The following IL23A variants were observed in gnomAD, a reference collection of about 807,000 sequenced individuals.
IL23A encodes interleukin-23 subunit alpha.
In IL23A, 16 loss-of-function variants were observed where a neutral mutation model predicts 20.7. The ratio of observed to expected loss-of-function variants is 0.77; its 90% confidence interval spans 0.52 to 1.17. The LOEUF (loss-of-function observed/expected upper bound fraction) is 1.17, where lower values mean the gene tolerates loss of function less well. Among genes scored for constraint, IL23A ranks in the 50% most tolerant of loss-of-function variants. The pLI, the probability that IL23A is intolerant of heterozygous loss-of-function variation, is 0.00. For missense variants in IL23A, 175 were observed against 229.5 expected (o/e 0.76, Z 1.53); for synonymous variants, 80 against 88.7 (o/e 0.90, Z 0.55).
At chr12:56,339,549 A>G (rs200585151) in intron 2 of IL23A, 25 bp downstream of exon 2, 19 of 1,593,152 alleles carry the variant, frequency 1.2e-5, no homozygotes, top group South Asian at 2.2e-5. Flanking sequence ...TGGCTGGGCA[A>G]TGAAGGAGAG....
At position 56,339,146 on chromosome 12, in the gene IL23A, G is replaced by T. The variant is rs752995341; in HGVS notation, c.102G>T (p.Gln34His). The change falls in exon 1 of 4, where the codon CAG (glutamine) becomes CAT (histidine). Residue 34 changes from glutamine (Q) to histidine (H), a missense_variant. Gln to His is a conservative substitution (Grantham distance 24, BLOSUM62 0). Transcript: ENST00000228534. The part of the protein sequence containing the change: ...GGSSPAWTQC[Q>H]QLSQKLCTLA... ...GCAGCCCTGCCTGGACTCAGTGCCA[G>T]CAGCTTTCACAGAAGCTCTGCACAC... is the stretch of plus-strand genomic sequence containing the variant. 1 of 1,587,722 alleles carries T rather than the reference G, an allele frequency of 6.3e-7. No individual in the cohort carries two copies. Among genetic ancestry groups the T allele is most frequent in the Non-Finnish European group, 8.6e-7 (1 of 1,163,434 alleles).
chr12:56,340,296 T>C lies in IL23A; in HGVS notation c.*192T>C. ...ATGATAAGGTTGAGTATTTATTAGA[T>C]GGGAAGGGAAATTTGGGGATTATTT... is the stretch of plus-strand genomic sequence containing the variant. On this transcript the variant is annotated 3_prime_UTR_variant, in exon 4 of 4. Coordinates refer to ENST00000228534, the MANE Select transcript of IL23A (RefSeq NM_016584.3). 1 of 573,440 alleles carries C rather than the reference T, an allele frequency of 1.7e-6. No homozygotes were observed. The highest frequency in any genetic ancestry group is 3.0e-6 in the Non-Finnish European group (1 of 334,478). The allele number at this position is 573,440 out of a possible 1,614,324, so 35.5% of individuals were successfully genotyped here.
intron 2 of IL23A, 25 bp downstream of exon 2, chr12:56,339,549 A>C: frequency 6.3e-7 from 1 of 1,593,152 alleles, no homozygotes; most frequent in Non-Finnish European, 8.6e-7. Context: ...TGGCTGGGCA[A>C]TGAAGGAGAG....
At position 56,340,081 on chromosome 12, in the gene IL23A, G is replaced by A. The variant is rs769999061; in HGVS notation, c.547G>A (p.Gly183Arg). ...VAVAARVFAH[G>R]AATLSP ...TGTAGCCGCCCGGGTCTTTGCCCATGGAGCAGCAACCCTGAGTCCCTAAAG... is the reference window on the plus strand; with the variant it reads ...TGTAGCCGCCCGGGTCTTTGCCCATAGAGCAGCAACCCTGAGTCCCTAAAG... The change falls in exon 4 of 4, where the codon GGA becomes AGA. Residue 183 changes from glycine to arginine, a missense_variant. Gly to Arg is a moderately radical substitution (Grantham distance 125, BLOSUM62 -2). Coordinates refer to ENST00000228534, the MANE Select transcript of IL23A (RefSeq NM_016584.3). 8 of 1,614,158 alleles carry A rather than the reference G, an allele frequency of 5.0e-6. No homozygotes were observed. The highest frequency in any genetic ancestry group is 6.8e-6 in the Non-Finnish European group (8 of 1,180,038).
chr12:56,339,442 G>A lies in IL23A; in HGVS notation c.179G>A (p.Gly60Glu), dbSNP rs768621346. The A allele has an allele frequency of 1.2e-6, 2 of 1,608,974 alleles. No homozygotes were observed. Among genetic ancestry groups the A allele is most frequent in the Non-Finnish European group, 1.7e-6 (2 of 1,175,354 alleles). Reference sequence around the variant, plus strand: ...TCATTCCAGGATCTAAGAGAAGAGGGAGATGAAGAGACTACAAATGATGTT... The same window carrying A: ...TCATTCCAGGATCTAAGAGAAGAGGAAGATGAAGAGACTACAAATGATGTT... ...LVGHMDLREEGDEETTNDVPH... is the reference protein window; with the variant it reads ...LVGHMDLREEEDEETTNDVPH... The change falls in exon 2 of 4, where the codon GGA becomes GAA. Residue 60 changes from glycine (G) to glutamate (E), a missense_variant. Gly to Glu is a moderately conservative substitution (Grantham distance 98). Coordinates refer to ENST00000228534, the MANE Select transcript of IL23A (RefSeq NM_016584.3).
At position 56,339,673 on chromosome 12, in the gene IL23A, G is replaced by C. The variant is rs768984725; in HGVS notation, c.262-18G>C. On this transcript the variant is annotated intron_variant, in intron 2 of 3. Coordinates refer to ENST00000228534, the MANE Select transcript of IL23A (RefSeq NM_016584.3). ...TAGGAAGAGGGTGTCCTCTTTCATT[G>C]CTTTCTTTTCTCCCTAGTTCTGCTT... 3.5e-5 allele frequency: 57 copies of C among 1,611,472 alleles called. No homozygotes were observed. In the South Asian group the frequency reaches 5.8e-4, roughly 16 times the overall value.
In IL23A at chr12:56,338,978, G is replaced by T; in HGVS notation, c.-67G>T. The T allele has an allele frequency of 7.9e-7, 1 of 1,267,968 alleles. No homozygotes were observed. 78.5% of individuals were successfully genotyped at this position (1,267,968 alleles called of 1,614,324 possible). On this transcript the variant is annotated 5_prime_UTR_variant, in exon 1 of 4. Coordinates refer to ENST00000228534, the MANE Select transcript of IL23A (RefSeq NM_016584.3). The stretch of plus-strand genomic sequence containing the variant: ...AATCAGGCTCAAAGCAAGTGGAAGT[G>T]GGCAGAGATTCCACCAGGACTGGTG...
Position 56,340,154 on chromosome 12 carries a change from A to G in IL23A, c.*50A>G. On this transcript the variant is annotated 3_prime_UTR_variant, in exon 4 of 4. Transcript: ENST00000228534. ...CAGATCTCCATGGCCCAGCAAGGCCAAGATAAATCTACCACCCCAGGCACC... is the reference window on the plus strand; with the variant it reads ...CAGATCTCCATGGCCCAGCAAGGCCGAGATAAATCTACCACCCCAGGCACC... 6.3e-7 allele frequency: 1 copy of G among 1,581,844 alleles called. No homozygotes were observed.
At chr12:56,339,384 T>A in intron 1 of IL23A, 42 bp from the exon 2 acceptor site, 1 of 1,465,998 alleles carries the variant, frequency 6.8e-7, no homozygotes, top group African/African-American at 1.4e-5. Flanking sequence ...TCAGAAGTAC[T>A]ATCTTACTTC....
At chr12:56,339,369 T>A in intron 1 of IL23A, 57 bp from the exon 2 acceptor site, 1 of 1,430,576 alleles carries the variant, frequency 7.0e-7, no homozygotes, top group South Asian at 1.2e-5. Flanking sequence ...GGGTCCAGGT[T>A]GGCTTCAGAA....
chr12:56,340,221 C>A lies in IL23A; in HGVS notation c.*117C>A. 1 of 1,007,818 alleles carries A rather than the reference C, an allele frequency of 9.9e-7. No homozygotes were observed. Among genetic ancestry groups the A allele is most frequent in the Non-Finnish European group, 1.4e-6 (1 of 691,328 alleles). The allele number at this position is 1,007,818 out of a possible 1,614,324, so 62.4% of individuals were successfully genotyped here. A position where few individuals can be genotyped will look rare whatever the true frequency, so the allele number is the denominator to read the frequency against. The stretch of plus-strand genomic sequence containing the variant: ...AATTAGTCCATTAATTTTAGTGGGA[C>A]CTGCATATGTTGAAAATTACCAATA... On this transcript the variant is annotated 3_prime_UTR_variant, in exon 4 of 4. Coordinates refer to ENST00000228534, the MANE Select transcript of IL23A (RefSeq NM_016584.3).
rs199760416 is a variant in IL23A at position 56,340,067 on chromosome 12, G to A, written c.533G>A (p.Arg178Gln). 27 of 1,614,176 alleles carry A rather than the reference G, an allele frequency of 1.7e-5. No homozygotes were observed. Among genetic ancestry groups the A allele is most frequent in the Admixed American group, 1.2e-4 (7 of 60,016 alleles). Residue 178 changes from arginine (R) to glutamine (Q), a missense_variant, in exon 4 of 4, where the codon CGG becomes CAG. By Grantham distance (43) the Arg-to-Gln change is conservative. Transcript: ENST00000228534. The part of the protein sequence containing the change: ...SLQAFVAVAA[R>Q]VFAHGAATLS... Reference sequence around the variant, plus strand: ...CAGGCCTTTGTGGCTGTAGCCGCCCGGGTCTTTGCCCATGGAGCAGCAACC... The same window carrying A: ...CAGGCCTTTGTGGCTGTAGCCGCCCAGGTCTTTGCCCATGGAGCAGCAACC...
chr12:56,339,778 C>T lies in IL23A; in HGVS notation c.349C>T (p.Pro117Ser), dbSNP rs769235407. The change falls in exon 3 of 4, where the codon CCT becomes TCT. Residue 117 changes from proline (P) to serine (S), a missense_variant. By Grantham distance (74) the Pro-to-Ser change is moderately conservative. Transcript: ENST00000228534. ...DIFTGEPSLL[P>S]DSPVGQLHAS... ...TTTCACAGGGGAGCCTTCTCTGCTC[C>T]CTGATAGCCCTGTGGGCCAGCTTCA... 1.9e-6 allele frequency: 3 copies of T among 1,614,020 alleles called. No homozygotes were observed. Among genetic ancestry groups the T allele is most frequent in the East Asian group, 4.5e-5 (2 of 44,880 alleles).
At chr12:56,339,352 G>A in intron 1 of IL23A, 74 bp from the exon 2 acceptor site, 4 of 1,381,362 alleles carry the variant, frequency 2.9e-6, no homozygotes, top group South Asian at 1.2e-5. Flanking sequence ...GAGAGTCATG[G>A]GCCTGAGGGT....
rs199656959 is a variant in IL23A, at chr12:56,339,536, A to T, written c.261+12A>T. 6.3e-6 allele frequency: 10 copies of T among 1,599,750 alleles called. No homozygotes were observed. The highest frequency in any genetic ancestry group is 8.6e-6 in the Non-Finnish European group (10 of 1,166,964). On this transcript the variant is annotated intron_variant, in intron 2 of 3. Coordinates refer to ENST00000228534, the MANE Select transcript of IL23A (RefSeq NM_016584.3). Reference sequence around the variant, plus strand: ...GGGACAACAGTCAGGTACCACTGGGATGTGGCTGGGCAATGAAGGAGAGGG... The same window carrying T: ...GGGACAACAGTCAGGTACCACTGGGTTGTGGCTGGGCAATGAAGGAGAGGG...
At position 56,339,825 on chromosome 12, in the gene IL23A, C is replaced by T. The variant is rs201577398; in HGVS notation, c.396C>T (p.Ser132=). ...TTCATGCCTCCCTACTGGGCCTCAG[C>T]CAACTCCTGCAGGTATGAAGTAGGG... ...GQLHASLLGL[S]QLLQPEGHHW... Residue 132 remains serine, a synonymous_variant, in exon 3 of 4, where the codon AGC becomes AGT. Transcript: ENST00000228534. 6.2e-7 allele frequency: 1 copy of T among 1,612,764 alleles called. No homozygotes were observed. Among genetic ancestry groups the T allele is most frequent in the East Asian group, 2.2e-5 (1 of 44,858 alleles).
Position 56,339,747 on chromosome 12 carries a change from G to A in IL23A, c.318G>A (p.Ser106=), listed in dbSNP as rs11171806. The change falls in exon 3 of 4, where the codon TCG becomes TCA. Residue 106 remains serine (S), a synonymous_variant. Coordinates refer to ENST00000228534, the MANE Select transcript of IL23A (RefSeq NM_016584.3). ...TTTTTTATGAGAAGCTGCTAGGATC[G>A]GATATTTTCACAGGGGAGCCTTCTC... is the stretch of plus-strand genomic sequence containing the variant. ...GLIFYEKLLG[S]DIFTGEPSLL... is the part of the protein sequence containing the mutation. 0.058 allele frequency: 93,514 copies of A among 1,613,792 alleles called. 3,127 individuals are homozygous for A. Among genetic ancestry groups the A allele is most frequent in the Non-Finnish European group, 0.066 (78,375 of 1,179,820 alleles).
rs759787713 is a variant in IL23A at position 56,339,992 on chromosome 12, G to C, written c.458G>C (p.Ser153Thr). 2.5e-6 allele frequency: 4 copies of C among 1,614,056 alleles called. No homozygotes were observed. In the African/African-American group the frequency reaches 5.3e-5, roughly 22 times the overall value. Residue 153 changes from serine to threonine, a missense_variant, in exon 4 of 4, where the codon AGC becomes ACC. Coordinates refer to ENST00000228534, the MANE Select transcript of IL23A (RefSeq NM_016584.3). ...ETQQIPSLSP[S>T]QPWQRLLLRF... ...CAGCAGATTCCAAGCCTCAGTCCCA[G>C]CCAGCCATGGCAGCGTCTCCTTCTC...
chr12:56,338,930 C>A lies in IL23A; in HGVS notation c.-115C>A. The A allele has an allele frequency of 1.1e-6, 1 of 873,972 alleles. No individual in the cohort carries two copies. The highest frequency in any genetic ancestry group is 1.6e-6 in the Non-Finnish European group (1 of 641,672). The allele number at this position is 873,972 out of a possible 1,614,324, so 54.1% of individuals were successfully genotyped here. ...TCGGTGAACAACTGAGGGAACCAAACCAGAGACGCGCTGAACAGAGAGAAT... is the reference window on the plus strand; with the variant it reads ...TCGGTGAACAACTGAGGGAACCAAAACAGAGACGCGCTGAACAGAGAGAAT... On this transcript the variant is annotated 5_prime_UTR_variant, in exon 1 of 4. Coordinates refer to ENST00000228534, the MANE Select transcript of IL23A (RefSeq NM_016584.3).
Sources: gnomAD v4.1 joint callset for allele counts on GRCh38, gnomAD v4.1.1 for gene constraint, MANE v1.5 for transcripts, NCBI Gene and HGNC (gene_info 2026-07-23, HGNC 2026-07-21) for gene names.